Variants in ILDR1 observed in about 807,000 individuals in gnomAD.
ILDR1 encodes immunoglobulin like domain containing receptor 1.
A neutral mutation model predicts 62.4 loss-of-function variants in ILDR1; 56 were observed. The observed-to-expected ratio is 0.90, with a 90% CI of 0.72 to 1.12. The LOEUF is 1.12. Ranked by LOEUF, ILDR1 falls within the 50% of genes most tolerant of loss-of-function variation. The pLI is 0.00. For synonymous variants in ILDR1, 284 were observed against 277.8 expected (o/e 1.02, Z -0.22); for missense variants, 736 against 710.6 (o/e 1.04, Z -0.41).
intron 5 of ILDR1, among the ~76,000 whole-genome samples, chr3:122,000,253 GAAAAAAAA>G (rs757632692): frequency 5.5e-5 from 7 of 126,770 alleles, no homozygotes; most frequent in South Asian, 2.5e-4. Context: ...AGTTAAGGAG[GAAAAAAAA>G]AAAAAAAGAA....
At chr3:122,007,340 G>C in intron 1 of ILDR1, 179 bp from the exon 2 acceptor site, 3 of 1,367,478 alleles carry the variant, frequency 2.2e-6, no homozygotes, top group South Asian at 1.3e-5. Context: ...GGGTGAGAAC[G>C]CACTCAGCAG....
intron 7 of ILDR1, among the ~76,000 whole-genome samples, chr3:121,991,902 ACTT>A (rs1425679922): frequency 1.3e-5 from 2 of 152,198 alleles, no homozygotes; most frequent in African/African-American, 4.8e-5. Flanking sequence ...GACAGACTAC[ACTT>A]CTTCTTTTAT....
intron 5 of ILDR1, among the ~76,000 whole-genome samples, chr3:121,998,683 G>A (rs1449863604): frequency 2.0e-5 from 3 of 152,056 alleles, no homozygotes; most frequent in African/African-American, 4.8e-5. Context: ...CATCTTGGGC[G>A]GGTTTTTCTT....
intron 1 of ILDR1, among the ~76,000 whole-genome samples, chr3:122,012,207 G>A (rs1451782047): frequency 3.3e-5 from 5 of 152,204 alleles, no homozygotes; most frequent in Non-Finnish European, 7.3e-5. Flanking sequence ...AGGACCCAAA[G>A]CAGCAAATCA....
chr3:121,994,361 C>A, intron 5 of ILDR1, 48 bp from the exon 6 acceptor site: 1 of 1,503,014 alleles, frequency 6.7e-7, no homozygotes, highest in South Asian at 1.2e-5. Context: ...GGGCAAGCCC[C>A]ACACCTCCCA....
chr3:122,040,946 A>G, the ILDR1 span, among the ~76,000 whole-genome samples: 1 of 152,170 alleles, frequency 6.6e-6, no homozygotes, highest in East Asian at 1.9e-4. Flanking sequence ...GCTTTGTGAA[A>G]GACACCATCA....
intron 2 of ILDR1, 59 bp downstream of exon 2, chr3:122,006,932 G>T: frequency 4.6e-6 from 7 of 1,537,808 alleles, no homozygotes; most frequent in Non-Finnish European, 6.2e-6. Context: ...AACCCTAACC[G>T]CAGTATGTCA....
chr3:121,998,686 T>C (rs1025487396), intron 5 of ILDR1, among the ~76,000 whole-genome samples: 1 of 151,488 alleles, frequency 6.6e-6, no homozygotes, highest in Non-Finnish European at 1.5e-5. Flanking sequence ...CTTGGGCGGG[T>C]TTTTCTTATC....
chr3:122,041,450 C>T, the ILDR1 span, among the ~76,000 whole-genome samples: 5 of 152,276 alleles, frequency 3.3e-5, no homozygotes, highest in East Asian at 3.9e-4. Flanking sequence ...TATTGGACTT[C>T]CCAGCATGTG....
the ILDR1 span, among the ~76,000 whole-genome samples, chr3:122,034,804 G>A: frequency 2.0e-5 from 3 of 152,312 alleles, no homozygotes; most frequent in African/African-American, 7.2e-5. Context: ...AAGCAAGGAG[G>A]AGCAGGTCAC....
upstream of ILDR1, among the ~76,000 whole-genome samples, chr3:122,026,779 T>C (rs1375212794): frequency 1.3e-5 from 2 of 152,168 alleles, no homozygotes; most frequent in South Asian, 2.1e-4. Flanking sequence ...AACAAGTATG[T>C]TTATTATTAC....
At chr3:122,033,338 T>G in the ILDR1 span, among the ~76,000 whole-genome samples, 9 of 152,144 alleles carry the variant, frequency 5.9e-5, no homozygotes, top group South Asian at 1.7e-3. Flanking sequence ...TTTATTCACT[T>G]TCCTTTTTCT....
chr3:122,005,981 A>C (rs1468391224), intron 2 of ILDR1, among the ~76,000 whole-genome samples: 1 of 152,176 alleles, frequency 6.6e-6, no homozygotes, highest in African/African-American at 2.4e-5. Flanking sequence ...AGAGCTGTTA[A>C]ATCTGCCCCT....
At chr3:122,060,705 T>C in the ILDR1 span, among the ~76,000 whole-genome samples, 1 of 152,024 alleles carries the variant, frequency 6.6e-6, no homozygotes, top group Non-Finnish European at 1.5e-5. Context: ...CAAAACTAGT[T>C]TGGGAAGGAT....
At chr3:122,061,378 A>G in the ILDR1 span, among the ~76,000 whole-genome samples, 4 of 152,362 alleles carry the variant, frequency 2.6e-5, no homozygotes, top group South Asian at 8.3e-4. Context: ...ATGAAATGAC[A>G]AAAACAATTA....
chr3:122,014,049 C>T (rs1417998657), intron 1 of ILDR1, among the ~76,000 whole-genome samples: 1 of 152,224 alleles, frequency 6.6e-6, no homozygotes, highest in African/African-American at 2.4e-5. Flanking sequence ...TGGATTTAAG[C>T]TTAGACCTCC....
chr3:122,007,061 G>A lies in ILDR1; in HGVS notation c.159C>T (p.Leu53=). Residue 53 remains leucine, a synonymous_variant, in exon 2 of 8, where the codon CTC becomes CTT. Coordinates refer to ENST00000344209, the MANE Select transcript of ILDR1 (RefSeq NM_001199799.2). The stretch of plus-strand genomic sequence containing the variant: ...AGCGCCATGTCACCACCACGTCCTG[G>A]AGCTGGGCAGAGGTGGTGTAGTCAC... ...LKCDYTTSAQ[L]QDVVVTWRFK... The A allele has an allele frequency of 5.0e-6, 8 of 1,614,084 alleles. No homozygotes were observed. Among genetic ancestry groups the A allele is most frequent in the Non-Finnish European group, 6.8e-6 (8 of 1,180,028 alleles).
chr3:122,005,899 CAAAACAAAAACA>C (rs1191190158), intron 2 of ILDR1, among the ~76,000 whole-genome samples: 53 of 142,084 alleles, frequency 3.7e-4, no homozygotes, highest in Non-Finnish European at 5.0e-4. Context: ...AACTCCATCT[CAAAACAAAAACA>C]AAAACAAAAA....
chr3:122,002,806 T>A (rs969520203), intron 3 of ILDR1, among the ~76,000 whole-genome samples: 3 of 152,250 alleles, frequency 2.0e-5, no homozygotes, highest in South Asian at 2.1e-4. Flanking sequence ...GTGTGTATTG[T>A]TCCCCCCATG....
Sources: allele counts gnomAD v4.1 joint callset (sites outside exome capture counted in the v4.1 genomes callset), GRCh38; gene constraint gnomAD v4.1.1; transcripts MANE v1.5; gene names NCBI Gene and HGNC (gene_info 2026-07-23, HGNC 2026-07-21).